CASS4: variants seen among roughly 807,000 people sequenced by gnomAD.
CASS4 encodes the protein Cas scaffold protein family member 4.
CASS4 carries 22 observed loss-of-function variants against 54.2 expected under a neutral mutation model. The ratio of observed to expected loss-of-function variants is 0.41; its 90% CI spans 0.29 to 0.58. The LOEUF is 0.58. Among genes scored for constraint, CASS4 ranks in the 20% least tolerant of loss-of-function variants. CASS4 has a pLI of 0.36. For missense variants in CASS4, 854 were observed against 986.7 expected (o/e 0.87, Z 1.80); for synonymous variants, 409 against 391.5 (o/e 1.04, Z -0.53).
chr20:56,453,567 A>G (rs1423051884), intron 5 of CASS4: 1 of 160,638 alleles, frequency 6.2e-6, no homozygotes, highest in African/African-American at 2.4e-5. Flanking sequence ...TGGTCTGATC[A>G]GCCCCCAGAC....
In CASS4 at chr20:56,451,837, A is replaced by G. The variant is rs772038216; in HGVS notation, c.661A>G (p.Ile221Val). ...CCCACAGGGGCAGGGTGTTCCCCTGATATCAGTGACTACCTTAAGAAGAGG... is the reference window on the plus strand; with the variant it reads ...CCCACAGGGGCAGGGTGTTCCCCTGGTATCAGTGACTACCTTAAGAAGAGG... ...SQASGQGVPLISVTTLRRGGY... is the reference protein window; with the variant it reads ...SQASGQGVPLVSVTTLRRGGY... Residue 221 changes from isoleucine to valine, a missense_variant, in exon 5 of 6, where the codon ATA (isoleucine) becomes GTA (valine). Physicochemically the swap from Ile to Val is conservative, Grantham distance 29 (BLOSUM62 3). Coordinates refer to ENST00000679887, the MANE Select transcript of CASS4 (RefSeq NM_020356.4). The G allele has an allele frequency of 3.1e-6, 5 of 1,612,260 alleles. No homozygotes were observed. Among genetic ancestry groups the G allele is most frequent in the Admixed American group, 1.7e-5 (1 of 59,948 alleles).
chr20:56,459,895 G>C lies in CASS4; in HGVS notation c.*1148G>C, dbSNP rs564838197. ...CCCTCTTGGAACTTATGATCTAGTA[G>C]GGGAGTCAGGCAGTAAAGCGGTGAA... is the stretch of plus-strand genomic sequence containing the variant. On this transcript the variant is annotated 3_prime_UTR_variant, in exon 6 of 6. Transcript: ENST00000679887. 1 of 152,250 alleles carries C rather than the reference G, an allele frequency of 6.6e-6. No individual in the cohort carries two copies. Among genetic ancestry groups the C allele is most frequent in the Non-Finnish European group, 1.5e-5 (1 of 68,040 alleles). The allele number at this position is 152,250 out of a possible 1,614,324, so 9.4% of individuals were successfully genotyped here. A position where few individuals can be genotyped will look rare whatever the true frequency, so the allele number is the denominator to read the frequency against.
At position 56,437,363 on chromosome 20, in the gene CASS4, C is replaced by A; in HGVS notation, c.236C>A (p.Pro79Gln). 1.2e-6 allele frequency: 2 copies of A among 1,614,044 alleles called. No homozygotes were observed. Among genetic ancestry groups the A allele is most frequent in the Non-Finnish European group, 1.7e-6 (2 of 1,179,974 alleles). ...QILTEVAADR[P>Q]CPPFLRGLEE... is the part of the protein sequence containing the mutation. Reference sequence around the variant, plus strand: ...CTCACGGAGGTCGCTGCAGACAGGCCGTGCCCCCCATTCCTGAGAGGCCTG... The same window carrying A: ...CTCACGGAGGTCGCTGCAGACAGGCAGTGCCCCCCATTCCTGAGAGGCCTG... Residue 79 changes from proline (P) to glutamine (Q), a missense_variant, in exon 2 of 6, where the codon CCG becomes CAG. Coordinates refer to ENST00000679887, the MANE Select transcript of CASS4 (RefSeq NM_020356.4). This position sits in a 1 kb window ranked among gnomAD's most constrained non-coding sequence, Gnocchi z 4.7.
In CASS4 at chr20:56,458,431, C is replaced by A. The variant is rs199670261; in HGVS notation, c.2045C>A (p.Ala682Glu). The change falls in exon 6 of 6, where the codon GCG becomes GAG. Residue 682 changes from alanine (A) to glutamate (E), a missense_variant. Transcript: ENST00000679887. ...GAACACTGCCGGCTCTACTTTGGGG[C>A]GCTCTTCAAAGCCATCAGCGCATTT... ...LSEHCRLYFG[A>E]LFKAISAFHG... 7.6e-5 allele frequency: 122 copies of A among 1,614,114 alleles called. 1 individual carries two copies. Among genetic ancestry groups the A allele is most frequent in the Non-Finnish European group, 5.1e-6 (6 of 1,180,040 alleles).
At chr20:56,432,728 C>T (rs764134356) in intron 1 of CASS4, among the ~76,000 whole-genome samples, 2 of 152,162 alleles carry the variant, frequency 1.3e-5, no homozygotes, top group South Asian at 2.1e-4. Flanking sequence ...CCCTTAAATA[C>T]TTCATCACTG....
intron 4 of CASS4, among the ~76,000 whole-genome samples, chr20:56,451,514 C>T (rs1980996289): frequency 6.6e-6 from 1 of 151,990 alleles, no homozygotes; most frequent in Admixed American, 6.6e-5. Context: ...TTGCCAAGGG[C>T]ATTTAGAGCA....
At chr20:56,428,643 G>A (rs564882540) in intron 1 of CASS4, among the ~76,000 whole-genome samples, 2 of 152,296 alleles carry the variant, frequency 1.3e-5, no homozygotes, top group South Asian at 4.1e-4. Context: ...AATCCTTTGA[G>A]TTTGCTGCTT....
intron 2 of CASS4, among the ~76,000 whole-genome samples, chr20:56,438,680 A>T (rs1287604718): frequency 6.6e-6 from 1 of 152,102 alleles, no homozygotes; most frequent in Non-Finnish European, 1.5e-5. Context: ...AACATAGTGA[A>T]ACTCCGTCTC....
intron 2 of CASS4, among the ~76,000 whole-genome samples, chr20:56,445,493 C>T (rs569463149): frequency 2.0e-5 from 3 of 152,324 alleles, no homozygotes; most frequent in Admixed American, 6.5e-5. Flanking sequence ...TGAATGTAGA[C>T]GAATAGCTCA....
chr20:56,445,901 C>T lies in CASS4; in HGVS notation c.461C>T (p.Ala154Val). Residue 154 changes from alanine (A) to valine (V), a missense_variant and splice_region_variant, in exon 3 of 6, where the codon GCC becomes GTC. Physicochemically the swap from Ala to Val is moderately conservative, Grantham distance 64. Transcript: ENST00000679887. ...CEKTLSFPKQAILTLPRPVRA... is the reference protein window; with the variant it reads ...CEKTLSFPKQVILTLPRPVRA... ...CTTTTCTCCTCCTTTCTCTCCAAGG[C>T]CATCCTCACGCTTCCCAGACCTGTC... 1 of 1,611,262 alleles carries T rather than the reference C, an allele frequency of 6.2e-7. No homozygotes were observed.
intron 1 of CASS4, among the ~76,000 whole-genome samples, chr20:56,436,358 GTGTATATATATA>G (rs1291879599): frequency 1.4e-5 from 2 of 144,420 alleles, no homozygotes; most frequent in African/African-American, 5.2e-5. Flanking sequence ...GTGTGTGTGT[GTGTATATATATA>G]TATGTATATA....
In CASS4 at chr20:56,437,484, G is replaced by C. The variant is rs768034851; in HGVS notation, c.357G>C (p.Trp119Cys). 1.6e-5 allele frequency: 25 copies of C among 1,611,368 alleles called. No homozygotes were observed. The East Asian group carries it at 5.1e-4, about 33-fold the overall frequency. Residue 119 changes from tryptophan (W) to cysteine (C), a missense_variant, in exon 2 of 6, where the codon TGG becomes TGC. Trp to Cys is a radical substitution (Grantham distance 215). Transcript: ENST00000679887. The surrounding 1 kb of genome is among the most constrained non-coding windows in gnomAD (Gnocchi z 4.7). ...PGPVYEQMRS[W>C]AEGPQPPTAQ... ...CCGTTTATGAGCAGATGAGGAGTTG[G>C]GCGGAGGGGCCCCAGCCCCCTACTG... is the stretch of plus-strand genomic sequence containing the variant.
rs1336776747 is a variant in CASS4, at chr20:56,414,988, A to G, written c.36+2494A>G. Among the ~76,000 whole-genome samples the G allele has an allele frequency of 1.3e-5, 2 of 152,126 alleles. No individual in the cohort carries two copies. Among genetic ancestry groups the G allele is most frequent in the African/African-American group, 2.4e-5 (1 of 41,426 alleles). On this transcript the variant is annotated intron_variant, in intron 1 of 5. Coordinates refer to ENST00000679887, the MANE Select transcript of CASS4 (RefSeq NM_020356.4). The surrounding 1 kb of genome is among the most constrained non-coding windows in gnomAD (Gnocchi z 4.1). ...CACAACATCCTCATGAAGCAGAGGT[A>G]TTATTCCCCTGTCACAGACGAGGAA...
intron 1 of CASS4, among the ~76,000 whole-genome samples, chr20:56,428,777 C>T (rs1372273348): frequency 6.6e-6 from 1 of 152,164 alleles, no homozygotes; most frequent in African/African-American, 2.4e-5. Context: ...TTGGCAATAG[C>T]AGGCTTCAGT....
At chr20:56,448,876 C>T (rs1040191287) in intron 3 of CASS4, among the ~76,000 whole-genome samples, 17 of 152,102 alleles carry the variant, frequency 1.1e-4, no homozygotes, top group Admixed American at 3.9e-4. Flanking sequence ...CATCACTGGC[C>T]GTCAGAGAAA....
chr20:56,412,503 T>C lies in CASS4; in HGVS notation c.36+9T>C. 1 of 1,611,476 alleles carries C rather than the reference T, an allele frequency of 6.2e-7. No individual in the cohort carries two copies. Among genetic ancestry groups the C allele is most frequent in the Non-Finnish European group, 8.5e-7 (1 of 1,178,782 alleles). On this transcript the variant is annotated intron_variant, in intron 1 of 5. Transcript: ENST00000679887. This position sits in a 1 kb window ranked among gnomAD's most constrained non-coding sequence, Gnocchi z 4.2. ...TGGACTGTGCGCCCAAGGTGAGTGA[T>C]GTGGGGCTGTTTGAATGGGCTCTGG... is the stretch of plus-strand genomic sequence containing the variant.
chr20:56,413,672 C>CAAA (rs35217347), intron 1 of CASS4, among the ~76,000 whole-genome samples: 750 of 28,288 alleles, frequency 0.027, 125 homozygotes, highest in African/African-American at 0.082. Context: ...GACTCTGTCT[C>CAAA]AAAAAAAAAA....
In CASS4 at chr20:56,416,349, C is replaced by T. The variant is rs567720724; in HGVS notation, c.36+3855C>T. Among the ~76,000 whole-genome samples the T allele has an allele frequency of 2.0e-5, 3 of 152,278 alleles. No individual in the cohort carries two copies. In the South Asian group the frequency reaches 6.2e-4, roughly 32 times the overall value. ...ACAGGCGTGAGCCACTGCGCCCAGCCAGAAATTTAGTTCTAAAAGAACTAA... is the reference window on the plus strand; with the variant it reads ...ACAGGCGTGAGCCACTGCGCCCAGCTAGAAATTTAGTTCTAAAAGAACTAA... On this transcript the variant is annotated intron_variant, in intron 1 of 5. Transcript: ENST00000679887.
At position 56,439,851 on chromosome 20, in the gene CASS4, C is replaced by T. The variant is rs146101941; in HGVS notation, c.459+2265C>T. Reference sequence around the variant, plus strand: ...CTCAGTCACTGCAGGCATTTCCTGCCATCAGATGCTTTGCTTTCAGCTCCC... The same window carrying T: ...CTCAGTCACTGCAGGCATTTCCTGCTATCAGATGCTTTGCTTTCAGCTCCC... On this transcript the variant is annotated intron_variant, in intron 2 of 5. Coordinates refer to ENST00000679887, the MANE Select transcript of CASS4 (RefSeq NM_020356.4). Among the ~76,000 whole-genome samples, 354 of 152,270 alleles carry T rather than the reference C, an allele frequency of 2.3e-3. 1 individual carries two copies. Among genetic ancestry groups the T allele is most frequent in the African/African-American group, 7.9e-3 (329 of 41,542 alleles).
Sources: gnomAD v4.1 joint callset for allele counts (sites outside exome capture counted in the v4.1 genomes callset) on GRCh38, gnomAD v4.1.1 for gene constraint, Gnocchi (gnomAD v3.1) non-coding constraint, MANE v1.5 for transcripts, NCBI Gene and HGNC (gene_info 2026-07-23, HGNC 2026-07-21) for gene names.